The following CASP4 variants were observed in gnomAD, a reference collection of about 807,000 sequenced individuals.
The protein encoded by CASP4 is caspase-4.
CASP4 carries 29 observed loss-of-function variants against 41.3 expected under a neutral mutation model. The observed-to-expected ratio is 0.70, with a 90% CI of 0.52 to 0.96. CASP4 has a LOEUF of 0.96. Ranked by LOEUF, CASP4 falls within the 40% of genes least tolerant of loss-of-function variation. The pLI is 0.00. For synonymous variants in CASP4, 185 were observed against 158.4 expected (o/e 1.17, Z -1.26); for missense variants, 447 against 460.6 (o/e 0.97, Z 0.27).
chr11:104,953,233 T>A (rs910135410), intron 2 of CASP4, among the ~76,000 whole-genome samples: 31 of 152,162 alleles, frequency 2.0e-4, no homozygotes, highest in Non-Finnish European at 4.6e-4. Context: ...GTACCTAAAG[T>A]TTCCTGGGAT....
At chr11:104,950,232 G>A (rs574232) in intron 4 of CASP4, among the ~76,000 whole-genome samples, 145,506 of 152,156 alleles carry the variant, frequency 0.96, 69,901 homozygotes, top group East Asian at 1. Context: ...TGTGCTTCTC[G>A]TGTGCCAGGT....
chr11:104,959,890 C>T (rs1364020748), intron 1 of CASP4, among the ~76,000 whole-genome samples: 1 of 152,138 alleles, frequency 6.6e-6, no homozygotes, highest in African/African-American at 2.4e-5. Flanking sequence ...TCTATTCGGG[C>T]CAACATCCTT....
At chr11:104,950,448 T>C (rs1860579683) in intron 4 of CASP4, among the ~76,000 whole-genome samples, 1 of 152,156 alleles carries the variant, frequency 6.6e-6, no homozygotes, top group South Asian at 2.1e-4. Flanking sequence ...ACCTGGTGCT[T>C]GAAGTTGTCT....
chr11:104,961,419 T>C (rs982419497), intron 1 of CASP4, among the ~76,000 whole-genome samples: 1 of 151,860 alleles, frequency 6.6e-6, no homozygotes, highest in African/African-American at 2.4e-5. Context: ...GGTGTTAGGA[T>C]TGGTGAATCT....
intron 1 of CASP4, among the ~76,000 whole-genome samples, chr11:104,963,853 A>C (rs1431781819): frequency 1.3e-5 from 2 of 152,080 alleles, no homozygotes; most frequent in Admixed American, 6.6e-5. Flanking sequence ...TTCATTTTGG[A>C]GATCTGTCTT....
At chr11:104,946,054 A>G (rs1860451060) in intron 7 of CASP4, among the ~76,000 whole-genome samples, 1 of 151,926 alleles carries the variant, frequency 6.6e-6, no homozygotes, top group Non-Finnish European at 1.5e-5. Flanking sequence ...CATGTTGCCC[A>G]GGTTGGCCTC....
intron 4 of CASP4, 140 bp downstream of exon 4, chr11:104,950,785 T>C (rs1565365349): frequency 5.6e-6 from 3 of 532,884 alleles, no homozygotes; most frequent in Non-Finnish European, 3.0e-6. Flanking sequence ...AGTCTAGTAC[T>C]CTTATTTTGT....
intron 1 of CASP4, among the ~76,000 whole-genome samples, chr11:104,967,037 T>A (rs1420141809): frequency 3.3e-5 from 5 of 152,214 alleles, no homozygotes; most frequent in Non-Finnish European, 5.9e-5. Flanking sequence ...GCTGCAGTGA[T>A]AATAAAAATG....
intron 7 of CASP4, 126 bp from the exon 8 acceptor site, chr11:104,944,977 G>A: frequency 2.9e-6 from 2 of 679,068 alleles, no homozygotes; most frequent in East Asian, 5.4e-5. Flanking sequence ...CCAAGCCCAT[G>A]GGCATTCTAA....
chr11:104,945,432 A>G (rs1860432784), intron 7 of CASP4, among the ~76,000 whole-genome samples: 1 of 151,724 alleles, frequency 6.6e-6, no homozygotes, highest in Non-Finnish European at 1.5e-5. Flanking sequence ...GGTTTTTTGT[A>G]TTTTTAGTAG....
chr11:104,954,943 G>A lies in CASP4; in HGVS notation c.66C>T (p.Leu22=), dbSNP rs2134646650. ...CCACCAAGTTATCCAAAACACCAGT[G>A]AGGAAATCTTTGCCCAGGGATTCCA... is the stretch of plus-strand genomic sequence containing the variant. The part of the protein sequence containing the change: ...KVLESLGKDF[L]TGVLDNLVEQ... The change falls in exon 2 of 9, where the codon CTC becomes CTT. Residue 22 remains leucine (L), a synonymous_variant. Coordinates refer to ENST00000444739, the MANE Select transcript of CASP4 (RefSeq NM_001225.4). The A allele has an allele frequency of 6.2e-7, 1 of 1,613,600 alleles. No individual in the cohort carries two copies. Among genetic ancestry groups the A allele is most frequent in the Non-Finnish European group, 8.5e-7 (1 of 1,179,708 alleles).
chr11:104,961,568 G>A (rs1318780964), intron 1 of CASP4, among the ~76,000 whole-genome samples: 2 of 152,124 alleles, frequency 1.3e-5, no homozygotes, highest in African/African-American at 4.8e-5. Flanking sequence ...GTATCTGTTC[G>A]GCTCCACTGG....
At chr11:104,943,710 CAGTT>C (rs1194984523) in intron 8 of CASP4, 1 of 152,156 alleles carries the variant, frequency 6.6e-6, no homozygotes, top group Non-Finnish European at 1.5e-5. Context: ...ACCTGGTGCA[CAGTT>C]AGTGTTGGCA....
chr11:104,950,821 C>CACACACACAT, intron 4 of CASP4, 104 bp downstream of exon 4: 2 of 1,020,748 alleles, frequency 2.0e-6, no homozygotes, highest in Non-Finnish European at 2.9e-6. Context: ...CACACACACA[C>CACACACACAT]ACCCAAAGGT....
rs773839207 is a variant in CASP4 at position 104,951,972 on chromosome 11, G to C, written c.296C>G (p.Ser99Ter). The change falls in exon 3 of 9, where the codon TCA (serine) becomes TGA (stop). Residue 99 changes from serine (S) to a stop codon, truncating the protein, a stop_gained. Transcript: ENST00000444739. LOFTEE classifies it high-confidence loss of function. ...HPNMEAGPPE[S>*]GESTDALKLC... Reference sequence around the variant, plus strand: ...CTTGAGGGCATCTGTAGATTCTCCTGACTCAGGTGGTCCAGCCTCCATATT... The same window carrying C: ...CTTGAGGGCATCTGTAGATTCTCCTCACTCAGGTGGTCCAGCCTCCATATT... The C allele has an allele frequency of 6.2e-7, 1 of 1,612,462 alleles. No homozygotes were observed. The highest frequency in any genetic ancestry group is 8.5e-7 in the Non-Finnish European group (1 of 1,179,010).
intron 1 of CASP4, chr11:104,956,589 T>C: frequency 1.1e-6 from 1 of 943,474 alleles, no homozygotes; most frequent in Non-Finnish European, 1.3e-6. Context: ...TTCATCAAAC[T>C]ACATTACCTG....
intron 1 of CASP4, 44 bp downstream of exon 1, chr11:104,968,475 T>C: frequency 2.5e-6 from 4 of 1,571,526 alleles, no homozygotes; most frequent in Non-Finnish European, 2.6e-6. Flanking sequence ...ATCAAGTGTT[T>C]TCTAAGTTCC....
At chr11:104,965,737 A>G (rs113238552) in intron 1 of CASP4, among the ~76,000 whole-genome samples, 1,852 of 152,310 alleles carry the variant, frequency 0.012, 41 homozygotes, top group African/African-American at 0.043. Flanking sequence ...AATTAGCTAC[A>G]AGACTAAAAA....
chr11:104,961,986 G>A (rs908454706), intron 1 of CASP4, among the ~76,000 whole-genome samples: 14 of 152,152 alleles, frequency 9.2e-5, no homozygotes, highest in Admixed American at 2.6e-4. Context: ...CAACAGGGAC[G>A]AACAGAAAAA....
Sources: gnomAD v4.1 joint callset for allele counts (sites outside exome capture counted in the v4.1 genomes callset) on GRCh38, gnomAD v4.1.1 for gene constraint, MANE v1.5 for transcripts, NCBI Gene and HGNC (gene_info 2026-07-23, HGNC 2026-07-21) for gene names.